Variants in SLC38A6 observed in about 807,000 individuals in gnomAD.
SLC38A6 encodes N system amino acid transporter NAT-1.
A neutral mutation model predicts 65.0 loss-of-function variants in SLC38A6; 73 were observed. That is an observed-to-expected ratio of 1.12 (90% CI 0.93 to 1.37). The LOEUF (loss-of-function observed/expected upper bound fraction) is 1.37. SLC38A6 is among the 40% of genes most tolerant of loss of function. SLC38A6 has a pLI of 0.00. For missense variants in SLC38A6, 561 were observed against 531.1 expected, an observed-to-expected ratio of 1.06 and a Z score of -0.55; for synonymous variants, 183 against 178.8, an observed-to-expected ratio of 1.02 and a Z score of -0.19.
chr14:61,048,941 T>C (rs2042334616), intron 12 of SLC38A6, among the ~76,000 whole-genome samples: 1 of 152,212 alleles, frequency 6.6e-6, no homozygotes, highest in African/African-American at 2.4e-5. Context: ...TCTCACAGAT[T>C]TGGAAATAGA....
chr14:61,075,233 C>T (rs2043359702), intron 15 of SLC38A6, among the ~76,000 whole-genome samples: 1 of 152,150 alleles, frequency 6.6e-6, no homozygotes, highest in Non-Finnish European at 1.5e-5. Context: ...TCTCTGTCTC[C>T]TGAAACTAAT....
intron 16 of SLC38A6, among the ~76,000 whole-genome samples, chr14:61,082,292 A>G (rs1281845935): frequency 6.6e-6 from 1 of 152,158 alleles, no homozygotes. Context: ...CAGTGAGCCT[A>G]CTTACTCACT....
Position 61,025,944 on chromosome 14 carries a change from C to T in SLC38A6, c.404-4501C>T, listed in dbSNP as rs186787427. Among the ~76,000 whole-genome samples, 12 of 152,226 alleles carry T rather than the reference C, an allele frequency of 7.9e-5. No homozygotes were observed. The East Asian group carries it at 1.9e-3, about 24-fold the overall frequency. On this transcript the variant is annotated intron_variant, in intron 5 of 15. Transcript: ENST00000267488. ...CAGAAAGGCAAACTTATTTTTTCCCCGTAGCACATCCGTTTGTTTAGGGCT... is the reference window on the plus strand; with the variant it reads ...CAGAAAGGCAAACTTATTTTTTCCCTGTAGCACATCCGTTTGTTTAGGGCT...
rs61566181 is a variant in SLC38A6, at chr14:61,022,467, GTATA to G, written c.403+2900_403+2903del. Among the ~76,000 whole-genome samples, 266 of 147,498 alleles carry G rather than the reference GTATA, an allele frequency of 1.8e-3. 1 individual carries two copies. In the East Asian group the frequency reaches 0.029, roughly 16 times the overall value. On this transcript the variant is annotated intron_variant, in intron 5 of 15. Transcript: ENST00000267488. The stretch of plus-strand genomic sequence containing the variant: ...TATACTGTGTCATTATATTAAATAA[GTATA>G]TATATATATATACAGTTTTATTATA...
chr14:60,993,176 A>G (rs563747900), intron 3 of SLC38A6, among the ~76,000 whole-genome samples: 1 of 152,242 alleles, frequency 6.6e-6, no homozygotes, highest in South Asian at 2.1e-4. Flanking sequence ...TACTGTCTTC[A>G]TGGTGCTGTT....
intron 3 of SLC38A6, among the ~76,000 whole-genome samples, chr14:61,015,187 C>T (rs557266844): frequency 5.3e-5 from 8 of 152,284 alleles, no homozygotes; most frequent in East Asian, 1.9e-4. Flanking sequence ...GAGCCAGGTG[C>T]GGGATATAAT....
rs567414197 is a variant in SLC38A6, at chr14:61,007,190, A to T, written c.311-8714A>T. 4.4e-3 allele frequency among the ~76,000 whole-genome samples: 674 copies of T among 152,112 alleles called. 5 individuals carry two copies. Among genetic ancestry groups the T allele is most frequent in the Non-Finnish European group, 5.0e-3 (337 of 67,998 alleles). On this transcript the variant is annotated intron_variant, in intron 3 of 15. Transcript: ENST00000267488. ...GACTGTTGTGGGGTGGGAGGAAGGG[A>T]GAGGGATAGCATTAGGAGATATACC... is the stretch of plus-strand genomic sequence containing the variant.
At chr14:61,043,693 CTTTTTT>C (rs34559752) in intron 10 of SLC38A6, among the ~76,000 whole-genome samples, 190 bp downstream of exon 10, 2 of 107,346 alleles carry the variant, frequency 1.9e-5, no homozygotes, top group South Asian at 2.9e-4. Context: ...AAACAGCCAC[CTTTTTT>C]TTTTTTTTTT....
intron 4 of SLC38A6, among the ~76,000 whole-genome samples, chr14:61,016,415 C>G (rs2040013495): frequency 6.6e-6 from 1 of 152,120 alleles, no homozygotes; most frequent in African/African-American, 2.4e-5. Flanking sequence ...TAGCTATCCT[C>G]TCATTTATAG....
intron 3 of SLC38A6, among the ~76,000 whole-genome samples, chr14:60,986,526 G>T (rs2037462424): frequency 6.6e-6 from 1 of 152,204 alleles, no homozygotes; most frequent in African/African-American, 2.4e-5. Flanking sequence ...CTCTCAAGGG[G>T]CTTGGGTGAA....
chr14:60,993,037 G>A (rs1035387994), intron 3 of SLC38A6, among the ~76,000 whole-genome samples: 6 of 152,002 alleles, frequency 3.9e-5, no homozygotes, highest in Admixed American at 3.3e-4. Flanking sequence ...TAGTAGAGAC[G>A]GGGTTTTACA....
chr14:61,008,930 G>T (rs187215488), intron 3 of SLC38A6, among the ~76,000 whole-genome samples: 1 of 152,266 alleles, frequency 6.6e-6, no homozygotes, highest in Admixed American at 6.5e-5. Flanking sequence ...TGCAAGTACT[G>T]TATAGTAAGA....
intron 3 of SLC38A6, among the ~76,000 whole-genome samples, chr14:60,989,366 ATC>A (rs1179991232): frequency 1.3e-5 from 2 of 152,070 alleles, no homozygotes; most frequent in African/African-American, 2.4e-5. Flanking sequence ...CATCATAAAA[ATC>A]TCTTTTACTT....
intron 3 of SLC38A6, among the ~76,000 whole-genome samples, chr14:61,012,669 T>C (rs1407896373): frequency 1.3e-5 from 2 of 152,186 alleles, no homozygotes; most frequent in Non-Finnish European, 2.9e-5. Flanking sequence ...AGCAGGTTGT[T>C]CAGTTGCCAT....
At chr14:60,988,765 T>C (rs1272815714) in intron 3 of SLC38A6, among the ~76,000 whole-genome samples, 1 of 152,208 alleles carries the variant, frequency 6.6e-6, no homozygotes, top group Non-Finnish European at 1.5e-5. Flanking sequence ...TGAGGTTTTG[T>C]AGTATGTTAT....
chr14:61,049,017 T>C (rs2042339227), intron 12 of SLC38A6, among the ~76,000 whole-genome samples: 1 of 152,210 alleles, frequency 6.6e-6, no homozygotes, highest in Admixed American at 6.5e-5. Flanking sequence ...TAAAGTATGT[T>C]TTTGATACTT....
Position 61,051,796 on chromosome 14 carries a change from G to T in SLC38A6, c.1060G>T (p.Ala354Ser). ...TTTTTCTGTAATACAGGCCAGAAAA[G>T]CTGTAACAATGATGTTTTTCTCCAA... ...VPLIHFPARKAVTMMFFSNFP... is the reference protein window; with the variant it reads ...VPLIHFPARKSVTMMFFSNFP... Residue 354 changes from alanine (A) to serine (S), a missense_variant, in exon 14 of 16, where the codon GCT becomes TCT. Physicochemically the swap from Ala to Ser is moderately conservative, Grantham distance 99 (BLOSUM62 1). Transcript: ENST00000267488. The T allele has an allele frequency of 6.2e-7, 1 of 1,611,650 alleles. No homozygotes were observed. The highest frequency in any genetic ancestry group is 8.5e-7 in the Non-Finnish European group (1 of 1,179,226).
At chr14:60,982,382 G>A (rs753248714) in intron 1 of SLC38A6, 126 bp from the exon 2 acceptor site, 8 of 1,193,990 alleles carry the variant, frequency 6.7e-6, no homozygotes, top group Non-Finnish European at 9.8e-6. Flanking sequence ...GTTAAGCAAC[G>A]AGTGTGTCAT....
chr14:61,026,563 C>T (rs2040623734), intron 5 of SLC38A6, among the ~76,000 whole-genome samples: 1 of 152,016 alleles, frequency 6.6e-6, no homozygotes. Flanking sequence ...TCTCAGCATT[C>T]AAAAGTAGTT....
Sources: gnomAD v4.1 joint callset for allele counts (sites outside exome capture counted in the v4.1 genomes callset) on GRCh38, gnomAD v4.1.1 for gene constraint, MANE v1.5 for transcripts, NCBI Gene and HGNC (gene_info 2026-07-23, HGNC 2026-07-21) for gene names.